Variants in ATP1B3 observed in about 807,000 individuals in gnomAD.
The protein encoded by ATP1B3 is ATPase Na+/K+ transporting subunit beta 3, also known as sodium/potassium-transporting ATPase subunit beta-3.
A neutral mutation model predicts 30.2 loss-of-function variants in ATP1B3; 10 were observed. The ratio of observed to expected loss-of-function variants is 0.33; its 90% confidence interval spans 0.20 to 0.56. ATP1B3 has a LOEUF of 0.56. Among genes scored for constraint, ATP1B3 ranks in the 20% least tolerant of loss-of-function variants. ATP1B3 has a pLI of 0.90. For synonymous variants in ATP1B3, 113 were observed against 117.0 expected, an observed-to-expected ratio of 0.97 and a Z score of 0.22; for missense variants, 238 against 336.7, an observed-to-expected ratio of 0.71 and a Z score of 2.29.
At chr3:141,906,893 G>A (rs898584687) in intron 2 of ATP1B3, among the ~76,000 whole-genome samples, 1 of 152,118 alleles carries the variant, frequency 6.6e-6, no homozygotes, top group Admixed American at 6.6e-5. Context: ...AAGTAAAATT[G>A]CATCTTTTAA....
At chr3:141,908,467 GGTT>G (rs527875148) in intron 3 of ATP1B3, among the ~76,000 whole-genome samples, 77 of 152,124 alleles carry the variant, frequency 5.1e-4, no homozygotes, top group African/African-American at 1.8e-3. Context: ...TTAATTCCAT[GGTT>G]GTTATTTCAT....
intron 6 of ATP1B3, 122 bp from the exon 7 acceptor site, chr3:141,925,409 A>T: frequency 1.0e-6 from 1 of 999,158 alleles, no homozygotes; most frequent in Non-Finnish European, 1.5e-6. Flanking sequence ...TAATTGCACC[A>T]CTGCACTGCA....
intron 4 of ATP1B3, among the ~76,000 whole-genome samples, chr3:141,915,508 A>G (rs1444776632): frequency 6.6e-6 from 1 of 152,234 alleles, no homozygotes; most frequent in Non-Finnish European, 1.5e-5. Flanking sequence ...TTTGGGGAGC[A>G]GATGGGTTGT....
intron 1 of ATP1B3, 30 bp from the exon 2 acceptor site, chr3:141,903,590 A>G (rs748096586): frequency 4.3e-5 from 69 of 1,611,546 alleles, no homozygotes; most frequent in Non-Finnish European, 5.6e-5. Context: ...ACGCACGTGC[A>G]CATTTCATAA....
intron 5 of ATP1B3, among the ~76,000 whole-genome samples, chr3:141,917,184 G>GTGATGC (rs1201041673): frequency 6.6e-6 from 1 of 152,018 alleles, no homozygotes; most frequent in Non-Finnish European, 1.5e-5. Flanking sequence ...AAGTTTCCAG[G>GTGATGC]TGATGCTGAT....
intron 1 of ATP1B3, among the ~76,000 whole-genome samples, chr3:141,890,099 T>C (rs1933916334): frequency 7.1e-6 from 1 of 140,988 alleles, no homozygotes; most frequent in East Asian, 2.0e-4. Context: ...TTTTTTTTTT[T>C]TTTTTTTTTG....
intron 1 of ATP1B3, chr3:141,902,081 C>G: frequency 2.4e-6 from 3 of 1,234,426 alleles, no homozygotes; most frequent in Non-Finnish European, 2.1e-6. Flanking sequence ...TTTCATTTCC[C>G]TCTATAGCAA....
intron 1 of ATP1B3, among the ~76,000 whole-genome samples, chr3:141,897,689 T>C (rs1262260744): frequency 6.6e-6 from 1 of 152,158 alleles, no homozygotes; most frequent in Non-Finnish European, 1.5e-5. Context: ...AAACAGTACA[T>C]GTTCATCGGG....
At chr3:141,919,893 C>T (rs1230413144) in intron 5 of ATP1B3, among the ~76,000 whole-genome samples, 2 of 151,922 alleles carry the variant, frequency 1.3e-5, no homozygotes, top group African/African-American at 2.4e-5. Flanking sequence ...GAGCCATGAT[C>T]GCGCCACTCC....
At chr3:141,915,853 G>T in intron 4 of ATP1B3, 117 bp from the exon 5 acceptor site, 1 of 589,814 alleles carries the variant, frequency 1.7e-6, no homozygotes, top group Non-Finnish European at 2.9e-6. Flanking sequence ...AAAGGCAGAT[G>T]TATACAGACT....
intron 3 of ATP1B3, among the ~76,000 whole-genome samples, chr3:141,911,498 T>C (rs577054894): frequency 2.0e-5 from 3 of 151,946 alleles, no homozygotes; most frequent in African/African-American, 7.2e-5. Flanking sequence ...TGGTCTTTTT[T>C]TTTTTTTTTC....
chr3:141,910,859 TAAGAA>T (rs1559871739), intron 3 of ATP1B3, among the ~76,000 whole-genome samples: 1 of 152,030 alleles, frequency 6.6e-6, no homozygotes, highest in Admixed American at 6.6e-5. Flanking sequence ...AGTAATTTTA[TAAGAA>T]AAGACACCTG....
chr3:141,877,283 T>C (rs1933623341), intron 1 of ATP1B3, among the ~76,000 whole-genome samples: 1 of 143,996 alleles, frequency 6.9e-6, no homozygotes, highest in Non-Finnish European at 1.5e-5. Flanking sequence ...GGGCCTCCTT[T>C]GTACGGAGCG....
At position 141,901,845 on chromosome 3, in the gene ATP1B3, A is replaced by G. The variant is rs9857387; in HGVS notation, c.110-1775A>G. 5.7e-3 allele frequency among the ~76,000 whole-genome samples: 873 copies of G among 152,322 alleles called. 6 individuals carry two copies. Among genetic ancestry groups the G allele is most frequent in the African/African-American group, 0.02 (813 of 41,574 alleles). ...ATTAAACTCTTAGCAATTTTGTTTC[A>G]GACATCTCCACTTTAATGTCAACTG... On this transcript the variant is annotated intron_variant, in intron 1 of 6. Transcript: ENST00000286371.
intron 5 of ATP1B3, chr3:141,919,045 C>T (rs369034562): frequency 3.9e-5 from 6 of 152,240 alleles, no homozygotes; most frequent in African/African-American, 1.4e-4. Flanking sequence ...AGTTAGAACC[C>T]ATAAATTTTA....
At chr3:141,882,559 G>A (rs999169203) in intron 1 of ATP1B3, among the ~76,000 whole-genome samples, 1 of 152,072 alleles carries the variant, frequency 6.6e-6, no homozygotes, top group African/African-American at 2.4e-5. Context: ...GACTCCCAAA[G>A]CTGCATATCT....
rs766051389 is a variant in ATP1B3 at position 141,876,762 on chromosome 3, C to T, written c.-40C>T. 6.5e-7 allele frequency: 1 copy of T among 1,535,734 alleles called. No homozygotes were observed. The highest frequency in any genetic ancestry group is 1.7e-5 in the Admixed American group (1 of 57,350). On this transcript the variant is annotated 5_prime_UTR_variant, in exon 1 of 7. Transcript: ENST00000286371. ...CCTCCGCAGCCCTCGCCGCCTCCAT[C>T]CCCGCGGCCGCAGCTCCTCTCGCCG...
intron 1 of ATP1B3, among the ~76,000 whole-genome samples, chr3:141,893,690 GTATA>G (rs1934003862): frequency 6.6e-6 from 1 of 152,168 alleles, no homozygotes; most frequent in African/African-American, 2.4e-5. Context: ...ATACACTCAT[GTATA>G]TGTGTGTGCA....
At chr3:141,922,179 C>A in intron 6 of ATP1B3, 116 bp downstream of exon 6, 1 of 605,284 alleles carries the variant, frequency 1.7e-6, no homozygotes, top group East Asian at 3.4e-5. Flanking sequence ...TGTGCGTCAT[C>A]TATTCAGGTT....
Sources: allele counts gnomAD v4.1 joint callset (sites outside exome capture counted in the v4.1 genomes callset), GRCh38; gene constraint gnomAD v4.1.1; transcripts MANE v1.5; gene names NCBI Gene and HGNC (gene_info 2026-07-23, HGNC 2026-07-21).